The following LIN7B variants were observed in gnomAD, a reference collection of about 807,000 sequenced individuals.
LIN7B encodes the protein lin-7 cell polarity scaffold B, also known as protein lin-7 homolog B.
Under a neutral mutation model 27.9 loss-of-function variants are expected in LIN7B, and 16 were observed. That is an observed-to-expected ratio of 0.57 (90% CI 0.39 to 0.87). LIN7B has a LOEUF of 0.87. Ranked by LOEUF, LIN7B falls within the 40% of genes least tolerant of loss-of-function variation. The pLI is 0.00. For missense variants in LIN7B, 291 were observed against 288.5 expected, an observed-to-expected ratio of 1.01 and a Z score of -0.06; for synonymous variants, 147 against 120.8, an observed-to-expected ratio of 1.22 and a Z score of -1.42.
At position 49,115,318 on chromosome 19, in the gene LIN7B, A is replaced by G. The variant is rs916043939; in HGVS notation, c.215A>G (p.His72Arg). 11 of 1,573,014 alleles carry G rather than the reference A, an allele frequency of 7.0e-6. No homozygotes were observed. The highest frequency in any genetic ancestry group is 1.4e-5 in the African/African-American group (1 of 73,978). The change falls in exon 3 of 6, where the codon CAT (histidine) becomes CGT (arginine). Residue 72 changes from histidine (H) to arginine (R), a missense_variant. By Grantham distance (29) the His-to-Arg change is conservative. Coordinates refer to ENST00000221459, the MANE Select transcript of LIN7B (RefSeq NM_022165.3). ...DITGSAEIRA[H>R]ATAKATVAAF... ...ACCGGCAGCGCCGAGATCCGAGCCC[A>G]TGCCACAGCCAAGGTGGGCCCCGCA...
intron 3 of LIN7B, 76 bp downstream of exon 3, chr19:49,115,407 A>G: frequency 2.3e-6 from 3 of 1,288,588 alleles, no homozygotes; most frequent in Non-Finnish European, 3.2e-6. Flanking sequence ...CATGCCAGTC[A>G]TTTCTGTTTC....
At chr19:49,114,988 G>A in intron 2 of LIN7B, 21 bp downstream of exon 2, 1 of 1,366,552 alleles carries the variant, frequency 7.3e-7, no homozygotes, top group Non-Finnish European at 9.6e-7. Context: ...CGCGGCGCAG[G>A]GGCGCGAGCT....
intron 4 of LIN7B, 66 bp from the exon 5 acceptor site, chr19:49,117,789 T>C: frequency 6.9e-7 from 1 of 1,441,388 alleles, no homozygotes; most frequent in Non-Finnish European, 9.7e-7. Flanking sequence ...GTGGGTCCCA[T>C]CTCCCAGTGG....
chr19:49,116,973 C>T (rs1018426816), intron 4 of LIN7B, among the ~76,000 whole-genome samples: 32 of 152,102 alleles, frequency 2.1e-4, no homozygotes, highest in African/African-American at 7.2e-4. Context: ...AGGCTGGGTG[C>T]GGTGGCTCAC....
Position 49,115,235 on chromosome 19 carries a change from C to G in LIN7B, c.157-25C>G, listed in dbSNP as rs954015189. On this transcript the variant is annotated intron_variant, in intron 2 of 5. Coordinates refer to ENST00000221459, the MANE Select transcript of LIN7B (RefSeq NM_022165.3). ...TAGGGCTGGAGGAGCTGGCGACTCC[C>G]TGATGCCGCTGCCTCCTCACCCAGG... 18 of 1,545,414 alleles carry G rather than the reference C, an allele frequency of 1.2e-5. No individual in the cohort carries two copies. In the African/African-American group the frequency reaches 2.5e-4, roughly 21 times the overall value.
chr19:49,117,689 TGGA>T (rs1451592047), intron 4 of LIN7B, among the ~76,000 whole-genome samples, 163 bp from the exon 5 acceptor site: 6 of 152,056 alleles, frequency 3.9e-5, no homozygotes, highest in Admixed American at 6.6e-5. Context: ...TGGGAGGTTT[TGGA>T]GGAGGACACT....
intron 4 of LIN7B, among the ~76,000 whole-genome samples, chr19:49,117,085 A>G (rs1043050640): frequency 8.6e-5 from 13 of 151,850 alleles, no homozygotes; most frequent in Non-Finnish European, 1.8e-4. Flanking sequence ...ATCTCTACTA[A>G]AAATACAAAA....
In LIN7B at chr19:49,118,376, C is replaced by T. The variant is rs928154098; in HGVS notation, c.*3C>T. ...GGTCCTTGGAGTCTCGAGGTTGAAA[C>T]CACAGATCTGGACGTTCACGTGCAC... On this transcript the variant is annotated 3_prime_UTR_variant, in exon 6 of 6. Coordinates refer to ENST00000221459, the MANE Select transcript of LIN7B (RefSeq NM_022165.3). The T allele has an allele frequency of 5.6e-6, 9 of 1,614,008 alleles. No homozygotes were observed. The African/African-American group carries it at 1.2e-4, about 22-fold the overall frequency.
chr19:49,114,389 C>T lies in LIN7B; in HGVS notation c.-16C>T. On this transcript the variant is annotated 5_prime_UTR_variant, in exon 1 of 6. Coordinates refer to ENST00000221459, the MANE Select transcript of LIN7B (RefSeq NM_022165.3). ...GGCGCCAGGGCAGGCGGGCGGCTGG[C>T]AGCTGTGGCGCCGACATGGCTGCGC... is the stretch of plus-strand genomic sequence containing the variant. The T allele has an allele frequency of 8.4e-7, 1 of 1,196,486 alleles. No individual in the cohort carries two copies. 74.1% of individuals were successfully genotyped at this position (1,196,486 alleles called of 1,614,324 possible). A position where few individuals can be genotyped will look rare whatever the true frequency, so the allele number is the denominator to read the frequency against.
Position 49,115,179 on chromosome 19 carries a change from G to C in LIN7B, c.157-81G>C, listed in dbSNP as rs956322152. On this transcript the variant is annotated intron_variant, in intron 2 of 5. Transcript: ENST00000221459. ...GGGGCGGATCCTTGCGTGGTAGCGG[G>C]AGAGGGTCTAGAGGCCTGAACTCCT... The C allele has an allele frequency of 4.8e-6, 6 of 1,248,544 alleles. No homozygotes were observed. In the African/African-American group the frequency reaches 9.3e-5, roughly 19 times the overall value. 77.3% of individuals were successfully genotyped at this position (1,248,544 alleles called of 1,614,324 possible). A position where few individuals can be genotyped will look rare whatever the true frequency, so the allele number is the denominator to read the frequency against.
At chr19:49,115,199 ACTC>A (rs2040805699) in intron 2 of LIN7B, 58 bp from the exon 3 acceptor site, 3 of 1,455,196 alleles carry the variant, frequency 2.1e-6, no homozygotes, top group Non-Finnish European at 9.4e-7. Context: ...AGAGGCCTGA[ACTC>A]CTGCGTCTAG....
Position 49,115,279 on chromosome 19 carries a change from A to T in LIN7B, c.176A>T (p.Asp59Val). ...ACCCAGGTGTATGAGCAGCTTTATGACACGCTGGACATCACCGGCAGCGCC... is the reference window on the plus strand; with the variant it reads ...ACCCAGGTGTATGAGCAGCTTTATGTCACGCTGGACATCACCGGCAGCGCC... ...AIREVYEQLY[D>V]TLDITGSAEI... Residue 59 changes from aspartate (D) to valine (V), a missense_variant, in exon 3 of 6, where the codon GAC becomes GTC. Transcript: ENST00000221459. 6.4e-7 allele frequency: 1 copy of T among 1,561,620 alleles called. No homozygotes were observed. Among genetic ancestry groups the T allele is most frequent in the Non-Finnish European group, 8.7e-7 (1 of 1,152,154 alleles).
intron 4 of LIN7B, among the ~76,000 whole-genome samples, chr19:49,117,033 G>A (rs2040836794): frequency 6.6e-6 from 1 of 151,998 alleles, no homozygotes; most frequent in Non-Finnish European, 1.5e-5. Flanking sequence ...ATCACTTGAG[G>A]TCAGGAGTTC....
intron 4 of LIN7B, among the ~76,000 whole-genome samples, chr19:49,117,496 G>GC (rs1237486211): frequency 6.6e-6 from 1 of 152,118 alleles, no homozygotes; most frequent in Non-Finnish European, 1.5e-5. Flanking sequence ...CAGGGAGGAG[G>GC]CTGGGGTAAG....
Position 49,114,414 on chromosome 19 carries a change from C to T in LIN7B, c.10C>T (p.Leu4=), listed in dbSNP as rs1346372310. Residue 4 remains leucine (L), a synonymous_variant, in exon 1 of 6, where the codon CTG becomes TTG. Transcript: ENST00000221459. ...CAGCTGTGGCGCCGACATGGCTGCGCTGGTGGAGCCGCTGGGGCTGGAGCG... is the reference window on the plus strand; with the variant it reads ...CAGCTGTGGCGCCGACATGGCTGCGTTGGTGGAGCCGCTGGGGCTGGAGCG... MAA[L]VEPLGLERDV... is the part of the protein sequence containing the mutation. 8 of 1,204,078 alleles carry T rather than the reference C, an allele frequency of 6.6e-6. No homozygotes were observed. Among genetic ancestry groups the T allele is most frequent in the Non-Finnish European group, 7.2e-6 (7 of 970,150 alleles). The allele number at this position is 1,204,078 out of a possible 1,614,324, so 74.6% of individuals were successfully genotyped here.
At chr19:49,117,556 CAA>C (rs2040848679) in intron 4 of LIN7B, among the ~76,000 whole-genome samples, 1 of 149,556 alleles carries the variant, frequency 6.7e-6, no homozygotes, top group Admixed American at 6.6e-5. Flanking sequence ...GCTGTGGGGA[CAA>C]AAAAGAGGGA....
In LIN7B at chr19:49,115,341, G is replaced by A. The variant is rs369741275; in HGVS notation, c.228+10G>A. On this transcript the variant is annotated intron_variant, in intron 3 of 5. Coordinates refer to ENST00000221459, the MANE Select transcript of LIN7B (RefSeq NM_022165.3). Reference sequence around the variant, plus strand: ...CCATGCCACAGCCAAGGTGGGCCCCGCACCCCATTGCTCCTGGTGTCTATT... The same window carrying A: ...CCATGCCACAGCCAAGGTGGGCCCCACACCCCATTGCTCCTGGTGTCTATT... 2.1e-4 allele frequency: 321 copies of A among 1,563,820 alleles called. 1 individual carries two copies. Among genetic ancestry groups the A allele is most frequent in the Admixed American group, 6.9e-4 (37 of 53,256 alleles).
chr19:49,115,068 C>A, intron 2 of LIN7B, 101 bp downstream of exon 2: 1 of 929,138 alleles, frequency 1.1e-6, no homozygotes, highest in Non-Finnish European at 1.5e-6. Flanking sequence ...CCGGCAGCTC[C>A]CGAGGCGGCC....
Position 49,118,029 on chromosome 19 carries a change from G to A in LIN7B, c.602+11G>A. ...GCATCAGAGCTACTCGTGAGCCCCT[G>A]GGTCACCACACCCCTGGGGCCTCCA... On this transcript the variant is annotated intron_variant, in intron 5 of 5. Coordinates refer to ENST00000221459, the MANE Select transcript of LIN7B (RefSeq NM_022165.3). 1 of 1,613,684 alleles carries A rather than the reference G, an allele frequency of 6.2e-7. No individual in the cohort carries two copies. The highest frequency in any genetic ancestry group is 1.1e-5 in the South Asian group (1 of 91,058).
Sources: gnomAD v4.1 joint callset for allele counts (sites outside exome capture counted in the v4.1 genomes callset) on GRCh38, gnomAD v4.1.1 for gene constraint, MANE v1.5 for transcripts, NCBI Gene and HGNC (gene_info 2026-07-23, HGNC 2026-07-21) for gene names.